The following HDAC9 variants were observed in gnomAD, a reference collection of about 807,000 sequenced individuals.
HDAC9 encodes the protein MEF-2 interacting transcription repressor (MITR) protein.
In HDAC9, 41 loss-of-function variants were observed where a neutral mutation model predicts 139.4. The observed-to-expected ratio is 0.29, with a 90% CI of 0.23 to 0.38. The LOEUF (loss-of-function observed/expected upper bound fraction) is 0.38, where lower values mean the gene tolerates loss of function less well. Among genes scored for constraint, HDAC9 ranks in the 10% least tolerant of loss-of-function variants. The probability of loss-of-function intolerance (pLI) is 1.00; values close to 1 mark genes in which losing one functional copy is unlikely to be tolerated. For missense variants in HDAC9, 1,147 were observed against 1,297.0 expected (o/e 0.88, Z 1.78); for synonymous variants, 517 against 476.2 (o/e 1.09, Z -1.12).
At chr7:18,601,279 G>T (rs185511038) in intron 6 of HDAC9, among the ~76,000 whole-genome samples, 1 of 152,172 alleles carries the variant, frequency 6.6e-6, no homozygotes, top group East Asian at 1.9e-4. Flanking sequence ...GTTCATTGCT[G>T]GCATATAGGA....
At chr7:18,163,095 T>G (rs1468272137) in intron 2 of HDAC9, among the ~76,000 whole-genome samples, 1 of 152,116 alleles carries the variant, frequency 6.6e-6, no homozygotes, top group African/African-American at 2.4e-5. Context: ...ATATCCTTGG[T>G]TTATTGAACT....
At chr7:18,625,294 A>G (rs1015638701) in intron 6 of HDAC9, among the ~76,000 whole-genome samples, 5 of 152,136 alleles carry the variant, frequency 3.3e-5, no homozygotes, top group Admixed American at 1.3e-4. Flanking sequence ...ACCCTTCTCC[A>G]GCTTCTTTGG....
At chr7:18,914,763 A>G (rs1372816481) in intron 22 of HDAC9, among the ~76,000 whole-genome samples, 1 of 137,428 alleles carries the variant, frequency 7.3e-6, no homozygotes. Context: ...AGTGTATTAA[A>G]GGTCATTACG....
At chr7:18,810,072 G>C (rs918354921) in intron 17 of HDAC9, among the ~76,000 whole-genome samples, 1 of 151,850 alleles carries the variant, frequency 6.6e-6, no homozygotes, top group South Asian at 2.1e-4. Context: ...TTTCAACAAC[G>C]TGGATGTTCC....
intron 1 of HDAC9, among the ~76,000 whole-genome samples, chr7:18,431,669 A>T (rs1242341377): frequency 6.6e-6 from 1 of 152,230 alleles, no homozygotes; most frequent in Non-Finnish European, 1.5e-5. Context: ...TACCCCCATG[A>T]TGCCTTAAAA....
intron 12 of HDAC9, chr7:18,668,075 G>C: frequency 1.0e-6 from 1 of 971,624 alleles, no homozygotes; most frequent in Non-Finnish European, 1.2e-6. Context: ...TATGTTATTG[G>C]CACGTGTTGT....
chr7:18,605,750 G>T (rs775960144), intron 6 of HDAC9, among the ~76,000 whole-genome samples: 102 of 151,944 alleles, frequency 6.7e-4, no homozygotes, highest in Non-Finnish European at 1.3e-3. Flanking sequence ...GCATGATCTC[G>T]GCTCACTGCA....
intron 2 of HDAC9, among the ~76,000 whole-genome samples, chr7:18,578,627 A>G (rs1826788794): frequency 6.6e-6 from 1 of 152,218 alleles, no homozygotes; most frequent in African/African-American, 2.4e-5. Flanking sequence ...TCAGGCAAAG[A>G]ACATAACCAA....
At chr7:18,982,183 T>TATC (rs1172158361) in intron 25 of HDAC9, among the ~76,000 whole-genome samples, 5 of 152,200 alleles carry the variant, frequency 3.3e-5, no homozygotes, top group African/African-American at 4.8e-5. Flanking sequence ...CAGTCCAAAG[T>TATC]ATCATCATCT....
intron 1 of HDAC9, among the ~76,000 whole-genome samples, chr7:18,341,611 C>A (rs180846901): frequency 1.2e-4 from 18 of 151,706 alleles, no homozygotes; most frequent in African/African-American, 4.3e-4. Flanking sequence ...GTCTTTTATG[C>A]CACTACTTAG....
upstream of HDAC9, among the ~76,000 whole-genome samples, chr7:18,492,051 C>T (rs1044822918): frequency 2.0e-5 from 3 of 151,916 alleles, no homozygotes; most frequent in Non-Finnish European, 4.4e-5. Context: ...CTGTAACAGC[C>T]GCCTAACATG....
chr7:18,909,059 ATTGT>A (rs1016214684), intron 22 of HDAC9, among the ~76,000 whole-genome samples: 4 of 151,896 alleles, frequency 2.6e-5, no homozygotes, highest in African/African-American at 9.7e-5. Context: ...AGCACTAGTT[ATTGT>A]TTGTCTTTTT....
At chr7:18,273,471 G>A (rs1325453246) in intron 2 of HDAC9, among the ~76,000 whole-genome samples, 1 of 152,148 alleles carries the variant, frequency 6.6e-6, no homozygotes, top group Non-Finnish European at 1.5e-5. Flanking sequence ...ATATCTGAAA[G>A]AGGTGTCATT....
chr7:18,844,711 C>A (rs1392785249), intron 21 of HDAC9, among the ~76,000 whole-genome samples: 3 of 152,186 alleles, frequency 2.0e-5, no homozygotes, highest in African/African-American at 7.2e-5. Context: ...TCATTCAAAC[C>A]CAAGAGCAAG....
intron 16 of HDAC9, among the ~76,000 whole-genome samples, chr7:18,791,322 C>T (rs1397895939): frequency 6.6e-6 from 1 of 152,122 alleles, no homozygotes; most frequent in African/African-American, 2.4e-5. Flanking sequence ...GCTTGCTTCC[C>T]CAGTAACTTA....
chr7:18,992,236 T>C (rs1786040380), intron 25 of HDAC9, among the ~76,000 whole-genome samples: 2 of 152,106 alleles, frequency 1.3e-5, no homozygotes, highest in African/African-American at 4.8e-5. Flanking sequence ...GAATAGAGAG[T>C]TGGAGTCAAG....
chr7:18,811,625 T>A (rs1794179882), intron 17 of HDAC9, among the ~76,000 whole-genome samples: 1 of 151,880 alleles, frequency 6.6e-6, no homozygotes, highest in Admixed American at 6.6e-5. Flanking sequence ...TTACATTTAT[T>A]GATATTTATA....
intron 1 of HDAC9, among the ~76,000 whole-genome samples, chr7:18,142,659 C>T (rs1785990731): frequency 1.3e-5 from 2 of 152,302 alleles, no homozygotes; most frequent in African/African-American, 2.4e-5. Context: ...GGGACCAGCT[C>T]ATTTTAGGCC....
At chr7:18,707,920 G>C (rs551075902) in intron 12 of HDAC9, among the ~76,000 whole-genome samples, 2 of 151,590 alleles carry the variant, frequency 1.3e-5, no homozygotes, top group South Asian at 4.2e-4. Flanking sequence ...AGTTGGAAGC[G>C]ATGAGAGCAT....
Sources: gnomAD v4.1 joint callset for allele counts (sites outside exome capture counted in the v4.1 genomes callset) on GRCh38, gnomAD v4.1.1 for gene constraint, MANE v1.5 for transcripts, NCBI Gene and HGNC (gene_info 2026-07-23, HGNC 2026-07-21) for gene names.